The following MVB12B variants were observed in gnomAD, a reference collection of about 807,000 sequenced individuals.
MVB12B encodes the protein ESCRT-I complex subunit MVB12B.
MVB12B carries 16 observed loss-of-function variants against 41.6 expected under a neutral mutation model. That is an observed-to-expected ratio of 0.38 (90% CI 0.26 to 0.58). The LOEUF is 0.58. Ranked by LOEUF, MVB12B falls within the 20% of genes least tolerant of loss-of-function variation. The pLI, the probability that MVB12B is intolerant of heterozygous loss-of-function variation, is 0.62. For synonymous variants in MVB12B, 133 were observed against 139.7 expected, an observed-to-expected ratio of 0.95 and a Z score of 0.34; for missense variants, 274 against 380.2, an observed-to-expected ratio of 0.72 and a Z score of 2.32.
rs184082788 is a variant in MVB12B at position 126,481,444 on chromosome 9, G to A, written c.813+20G>A. 717 of 1,599,854 alleles carry A rather than the reference G, an allele frequency of 4.5e-4. 3 individuals are homozygous for A. In the African/African-American group the frequency reaches 8.7e-3, roughly 19 times the overall value. On this transcript the variant is annotated intron_variant, in intron 8 of 9. Coordinates refer to ENST00000361171, the MANE Select transcript of MVB12B (RefSeq NM_033446.3). ...GAAAGTGTAAGTTTTATGCATGATC[G>A]CCCTTCCCCTCTGCCACCCCCCAGC... is the stretch of plus-strand genomic sequence containing the variant.
In MVB12B at chr9:126,459,110, T is replaced by G. The variant is rs1250980495; in HGVS notation, c.758-22259T>G. Among the ~76,000 whole-genome samples, 1 of 152,212 alleles carries G rather than the reference T, an allele frequency of 6.6e-6. No individual in the cohort carries two copies. Among genetic ancestry groups the G allele is most frequent in the Non-Finnish European group, 1.5e-5 (1 of 68,028 alleles). ...GCTCAGATCACAGCAGGTCTGGACC[T>G]AAGAGAACCCCCAGGTTGGGTTACA... On this transcript the variant is annotated intron_variant, in intron 7 of 9. Coordinates refer to ENST00000361171, the MANE Select transcript of MVB12B (RefSeq NM_033446.3). The surrounding 1 kb of genome is among the most constrained non-coding windows in gnomAD (Gnocchi z 4.3).
At chr9:126,413,085 A>G (rs1286511866) in intron 6 of MVB12B, among the ~76,000 whole-genome samples, 1 of 152,166 alleles carries the variant, frequency 6.6e-6, no homozygotes, top group African/African-American at 2.4e-5. Context: ...AGCTGAGATC[A>G]TATTCCATAC....
chr9:126,420,766 C>A (rs1385133372), intron 6 of MVB12B, among the ~76,000 whole-genome samples: 1 of 151,864 alleles, frequency 6.6e-6, no homozygotes, highest in Non-Finnish European at 1.5e-5. Flanking sequence ...TGGTGTCAAA[C>A]CCCCAACCTC....
intron 7 of MVB12B, among the ~76,000 whole-genome samples, chr9:126,439,480 T>C (rs1352541162): frequency 1.3e-5 from 2 of 152,236 alleles, no homozygotes; most frequent in Non-Finnish European, 2.9e-5. Context: ...TATTTTTGGT[T>C]AAACTCTTAT....
At chr9:126,327,296 G>A in intron 1 of MVB12B, 8 of 985,270 alleles carry the variant, frequency 8.1e-6, no homozygotes, top group Non-Finnish European at 9.6e-6. Context: ...GGCCCGGGCA[G>A]GTGAGGGGCG....
At chr9:126,453,726 C>A (rs1291091462) in intron 7 of MVB12B, among the ~76,000 whole-genome samples, 1 of 152,250 alleles carries the variant, frequency 6.6e-6, no homozygotes, top group Admixed American at 6.5e-5. Flanking sequence ...CACACTCTCA[C>A]GTGTACATAC....
chr9:126,457,639 G>A (rs1833009733), intron 7 of MVB12B, among the ~76,000 whole-genome samples: 1 of 152,072 alleles, frequency 6.6e-6, no homozygotes, highest in Non-Finnish European at 1.5e-5. Context: ...CAGATTTCAG[G>A]TGTGAGGATG....
At chr9:126,442,160 G>A (rs1832656819) in intron 7 of MVB12B, among the ~76,000 whole-genome samples, 1 of 152,186 alleles carries the variant, frequency 6.6e-6, no homozygotes, top group Admixed American at 6.5e-5. Context: ...CAATTGATGT[G>A]TACTTTTAAA....
intron 2 of MVB12B, among the ~76,000 whole-genome samples, chr9:126,372,580 T>C (rs115508220): frequency 0.015 from 2,313 of 152,352 alleles, 60 homozygotes; most frequent in African/African-American, 0.052. Context: ...ACTACCATAG[T>C]GGTTCTGAAG....
At chr9:126,419,602 CACA>C (rs1460905819) in intron 6 of MVB12B, among the ~76,000 whole-genome samples, 1 of 152,172 alleles carries the variant, frequency 6.6e-6, no homozygotes, top group Non-Finnish European at 1.5e-5. Context: ...TCTGCTCAAC[CACA>C]ACCACAGTCG....
chr9:126,488,073 C>G (rs1055719782), intron 9 of MVB12B, among the ~76,000 whole-genome samples: 7 of 152,172 alleles, frequency 4.6e-5, no homozygotes, highest in African/African-American at 1.7e-4. Context: ...CCTGAAGTTG[C>G]TTCTTTTAGC....
intron 9 of MVB12B, among the ~76,000 whole-genome samples, chr9:126,489,784 C>T (rs993256876): frequency 6.6e-6 from 1 of 152,192 alleles, no homozygotes; most frequent in Non-Finnish European, 1.5e-5. Flanking sequence ...TCCCAGGGCC[C>T]GCATACATGA....
intron 7 of MVB12B, among the ~76,000 whole-genome samples, chr9:126,440,838 A>C (rs1249363010): frequency 6.6e-6 from 1 of 152,240 alleles, no homozygotes; most frequent in Non-Finnish European, 1.5e-5. Context: ...CTGTAGGCTA[A>C]TGCAGGCACA....
In MVB12B at chr9:126,504,513, CCTCT is replaced by C; in HGVS notation, c.*1251_*1254del. 6.6e-6 allele frequency: 1 copy of C among 152,572 alleles called. No individual in the cohort carries two copies. The highest frequency in any genetic ancestry group is 6.5e-5 in the Admixed American group (1 of 15,294). 9.5% of individuals were successfully genotyped at this position (152,572 alleles called of 1,614,324 possible). On this transcript the variant is annotated 3_prime_UTR_variant, in exon 10 of 10. Coordinates refer to ENST00000361171, the MANE Select transcript of MVB12B (RefSeq NM_033446.3). ...GCTGCACTACCTGCGTCCGTGGAAG[CCTCT>C]GCCTCAGCGGGGACGGCCTCCTGCT...
At position 126,459,247 on chromosome 9, in the gene MVB12B, G is replaced by T. The variant is rs1833042078; in HGVS notation, c.758-22122G>T. ...GAGTGTCACGAGCCTGGCCTGCTGAGTGGTGCCAGTGCAGGCCTCCCCTTG... is the reference window on the plus strand; with the variant it reads ...GAGTGTCACGAGCCTGGCCTGCTGATTGGTGCCAGTGCAGGCCTCCCCTTG... On this transcript the variant is annotated intron_variant, in intron 7 of 9. Transcript: ENST00000361171. The surrounding 1 kb of genome is among the most constrained non-coding windows in gnomAD (Gnocchi z 4.3). Among the ~76,000 whole-genome samples, 1 of 152,222 alleles carries T rather than the reference G, an allele frequency of 6.6e-6. No homozygotes were observed. Among genetic ancestry groups the T allele is most frequent in the Non-Finnish European group, 1.5e-5 (1 of 68,038 alleles).
At chr9:126,412,620 C>CA (rs1261779789) in intron 6 of MVB12B, among the ~76,000 whole-genome samples, 1 of 152,040 alleles carries the variant, frequency 6.6e-6, no homozygotes, top group Non-Finnish European at 1.5e-5. Flanking sequence ...ATTTCTCATC[C>CA]AAAAAAATTA....
At chr9:126,375,363 C>CTTTTTTTTTTTTTTTTTTTTTTTTTTT (rs35585049) in intron 2 of MVB12B, among the ~76,000 whole-genome samples, 1 of 105,194 alleles carries the variant, frequency 9.5e-6, no homozygotes, top group East Asian at 2.8e-4. Flanking sequence ...TAAATTGATT[C>CTTTTTTTTTTTTTTTTTTTTTTTTTTT]TTTTTTTTTT....
intron 3 of MVB12B, among the ~76,000 whole-genome samples, chr9:126,385,124 A>G (rs745888253): frequency 3.9e-5 from 6 of 152,172 alleles, no homozygotes; most frequent in Non-Finnish European, 7.3e-5. Flanking sequence ...GGCATGAGCA[A>G]CAGCGCCCGG....
intron 9 of MVB12B, among the ~76,000 whole-genome samples, chr9:126,502,075 C>T (rs1313715492): frequency 6.6e-6 from 1 of 152,196 alleles, no homozygotes; most frequent in Admixed American, 6.5e-5. Context: ...CAGGGGAGCC[C>T]TTCTTATGAC....
Sources: allele counts gnomAD v4.1 joint callset (sites outside exome capture counted in the v4.1 genomes callset), GRCh38; gene constraint gnomAD v4.1.1; non-coding constraint Gnocchi (gnomAD v3.1); transcripts MANE v1.5; gene names NCBI Gene and HGNC (gene_info 2026-07-23, HGNC 2026-07-21).